Variants in SIPA1L1 observed in about 807,000 individuals in gnomAD.
The protein encoded by SIPA1L1 is signal induced proliferation associated 1 like 1.
SIPA1L1 carries 26 observed loss-of-function variants against 162.7 expected under a neutral mutation model. The observed-to-expected ratio is 0.16, with a 90% CI of 0.12 to 0.22. The LOEUF is 0.22. SIPA1L1 is among the 10% of genes least tolerant of loss of function. SIPA1L1 has a pLI of 1.00. For missense variants in SIPA1L1, 1,874 were observed against 2,241.0 expected (o/e 0.84, Z 3.31); for synonymous variants, 829 against 837.4 (o/e 0.99, Z 0.17).
intron 2 of SIPA1L1, among the ~76,000 whole-genome samples, chr14:71,378,794 A>T (rs1348609671): frequency 6.6e-6 from 1 of 151,408 alleles, no homozygotes; most frequent in Non-Finnish European, 1.5e-5. Context: ...TTATTTTGAG[A>T]TGTGTGTACA....
At chr14:71,694,960 A>G (rs2081515907) in intron 13 of SIPA1L1, among the ~76,000 whole-genome samples, 1 of 152,184 alleles carries the variant, frequency 6.6e-6, no homozygotes, top group East Asian at 1.9e-4. Context: ...ATGTGAGCCA[A>G]TGTGAGAGGT....
At chr14:71,488,146 T>G (rs2048924123) in intron 2 of SIPA1L1, among the ~76,000 whole-genome samples, 1 of 152,230 alleles carries the variant, frequency 6.6e-6, no homozygotes, top group Non-Finnish European at 1.5e-5. Flanking sequence ...TTGGTTTATC[T>G]TTAGGCGTGG....
At chr14:71,543,896 GTA>G (rs928078490) in intron 4 of SIPA1L1, among the ~76,000 whole-genome samples, 5 of 111,766 alleles carry the variant, frequency 4.5e-5, no homozygotes, top group Admixed American at 8.4e-5. Context: ...TATATCATAC[GTA>G]TATGTGTGTA....
At chr14:71,533,224 G>C (rs546949967) in intron 4 of SIPA1L1, among the ~76,000 whole-genome samples, 1 of 152,200 alleles carries the variant, frequency 6.6e-6, no homozygotes, top group East Asian at 1.9e-4. Flanking sequence ...CAAATCAAAA[G>C]TTTTCTTACT....
intron 2 of SIPA1L1, among the ~76,000 whole-genome samples, chr14:71,353,121 A>G (rs2036883197): frequency 6.6e-6 from 1 of 152,252 alleles, no homozygotes; most frequent in African/African-American, 2.4e-5. Flanking sequence ...ACTAAATACC[A>G]CATTCATTAT....
At chr14:71,467,750 T>C (rs1051443423) in intron 2 of SIPA1L1, among the ~76,000 whole-genome samples, 2 of 151,814 alleles carry the variant, frequency 1.3e-5, no homozygotes, top group African/African-American at 4.8e-5. Flanking sequence ...GCATGGTGGC[T>C]TATGCCTGTT....
intron 2 of SIPA1L1, chr14:71,321,394 C>T (rs772792522): frequency 1.9e-4 from 29 of 152,294 alleles, no homozygotes; most frequent in Non-Finnish European, 3.8e-4. Flanking sequence ...CGCGCACGCA[C>T]CCCAGAACCC....
intron 2 of SIPA1L1, among the ~76,000 whole-genome samples, chr14:71,380,334 C>T (rs982530574): frequency 1.4e-4 from 22 of 152,220 alleles, no homozygotes; most frequent in African/African-American, 4.6e-4. Flanking sequence ...TGTAAAATGA[C>T]GCTCATCTCA....
intron 4 of SIPA1L1, among the ~76,000 whole-genome samples, chr14:71,529,586 G>C (rs2053232908): frequency 6.6e-6 from 1 of 152,234 alleles, no homozygotes; most frequent in Admixed American, 6.5e-5. Flanking sequence ...TTCTGATACA[G>C]TATTGCTCAG....
chr14:71,620,807 A>G (rs2039353209), intron 6 of SIPA1L1, among the ~76,000 whole-genome samples: 2 of 152,052 alleles, frequency 1.3e-5, no homozygotes, highest in Non-Finnish European at 2.9e-5. Context: ...TTGACCCGAA[A>G]TGTTCTACTT....
intron 4 of SIPA1L1, among the ~76,000 whole-genome samples, chr14:71,555,035 A>T (rs534359295): frequency 1.3e-5 from 2 of 152,272 alleles, no homozygotes; most frequent in African/African-American, 4.8e-5. Context: ...AAGCATACTT[A>T]AGGGCCCTAC....
At chr14:71,361,672 T>A (rs1418516045) in intron 2 of SIPA1L1, among the ~76,000 whole-genome samples, 2 of 152,168 alleles carry the variant, frequency 1.3e-5, no homozygotes, top group Non-Finnish European at 2.9e-5. Context: ...AAAAGCCTCC[T>A]GAGACCTTAG....
intron 10 of SIPA1L1, among the ~76,000 whole-genome samples, chr14:71,668,307 G>A (rs975376099): frequency 2.6e-5 from 4 of 152,134 alleles, no homozygotes; most frequent in South Asian, 4.1e-4. Flanking sequence ...TGGGCTTGTC[G>A]TGGAGCACTC....
intron 4 of SIPA1L1, among the ~76,000 whole-genome samples, chr14:71,534,503 A>G (rs2053722416): frequency 6.6e-6 from 1 of 152,168 alleles, no homozygotes. Context: ...ATCTTATTCC[A>G]TCTAGTAACA....
In SIPA1L1 at chr14:71,330,254, G is replaced by T. The variant is rs968919135; in HGVS notation, c.-465+9073G>T. ...CCCAACTCCACTATTCCAGGGAGGG[G>T]CTGAAAGTAGAAGTGGCTCCCCTGA... On this transcript the variant is annotated intron_variant, in intron 2 of 23. Coordinates refer to ENST00000381232, the MANE Select transcript of SIPA1L1 (RefSeq NM_001386936.1). The T allele has an allele frequency of 8.8e-6, 6 of 680,692 alleles. No homozygotes were observed. In the African/African-American group the frequency reaches 1.1e-4, roughly 12 times the overall value. The allele number at this position is 680,692 out of a possible 1,614,324, so 42.2% of individuals were successfully genotyped here.
intron 2 of SIPA1L1, among the ~76,000 whole-genome samples, chr14:71,406,767 T>G (rs1011203582): frequency 6.6e-6 from 1 of 152,210 alleles, no homozygotes; most frequent in African/African-American, 2.4e-5. Context: ...TCCTTTAATT[T>G]TCAAGGATAA....
At chr14:71,550,344 G>T (rs549552791) in intron 4 of SIPA1L1, among the ~76,000 whole-genome samples, 1 of 152,264 alleles carries the variant, frequency 6.6e-6, no homozygotes, top group African/African-American at 2.4e-5. Flanking sequence ...GTGACTCTTA[G>T]GAGAGGACCT....
Position 71,588,680 on chromosome 14 carries a change from G to C in SIPA1L1, c.808G>C (p.Glu270Gln). 6.2e-7 allele frequency: 1 copy of C among 1,614,028 alleles called. No individual in the cohort carries two copies. Residue 270 changes from glutamate (E) to glutamine (Q), a missense_variant, in exon 5 of 24, where the codon GAG becomes CAG. Physicochemically the swap from Glu to Gln is conservative, Grantham distance 29. Coordinates refer to ENST00000381232, the MANE Select transcript of SIPA1L1 (RefSeq NM_001386936.1). This position sits in a 1 kb window ranked among gnomAD's most constrained non-coding sequence, Gnocchi z 4.3. ...AATAGACGGGCCTATCTCACAGAGA[G>C]AGAACCTCAGGCTTTTTAAGGAAAG... Reference protein sequence around the residue: ...DVIDGPISQRENLRLFKEREK... With the variant: ...DVIDGPISQRQNLRLFKEREK...
intron 2 of SIPA1L1, among the ~76,000 whole-genome samples, chr14:71,323,252 G>C (rs938929413): frequency 5.9e-5 from 9 of 152,186 alleles, no homozygotes; most frequent in Admixed American, 4.6e-4. Flanking sequence ...GGGGGATCTT[G>C]GTTGAGTTGT....
Sources: gnomAD v4.1 joint callset for allele counts (sites outside exome capture counted in the v4.1 genomes callset) on GRCh38, gnomAD v4.1.1 for gene constraint, Gnocchi (gnomAD v3.1) non-coding constraint, MANE v1.5 for transcripts, NCBI Gene and HGNC (gene_info 2026-07-23, HGNC 2026-07-21) for gene names.